Variants in USP9X observed in about 807,000 individuals in gnomAD.
The protein encoded by USP9X is ubiquitin carboxyl-terminal hydrolase 9X.
USP9X carries 7 observed loss-of-function variants against 190.3 expected under a neutral mutation model. The ratio of observed to expected loss-of-function variants is 0.04; its 90% CI spans 0.02 to 0.07. The LOEUF (loss-of-function observed/expected upper bound fraction) is 0.07. USP9X is among the 10% of genes least tolerant of loss of function. The probability of loss-of-function intolerance (pLI) is 1.00; values close to 1 mark genes in which losing one functional copy is unlikely to be tolerated. For missense variants in USP9X, 1,010 were observed against 1,916.9 expected (o/e 0.53, Z 8.83); for synonymous variants, 645 against 659.5 (o/e 0.98, Z 0.34).
intron 21 of USP9X, 91 bp from the exon 22 acceptor site, chrX:41,183,907 T>C (rs2062849934): frequency 2.9e-6 from 3 of 1,035,444 alleles, no homozygotes; most frequent in East Asian, 3.3e-5. Flanking sequence ...TGGATTGTTA[T>C]TCCATATTAG....
At chrX:41,096,525 G>A (rs1601929341) in intron 1 of USP9X, among the ~76,000 whole-genome samples, 1 of 111,458 alleles carries the variant, frequency 9.0e-6, no homozygotes, top group Admixed American at 9.5e-5. Context: ...TCAGTGCAAC[G>A]TCTGCCTCCT....
chrX:41,212,578 A>G (rs2063176355), intron 33 of USP9X, among the ~76,000 whole-genome samples: 1 of 111,966 alleles, frequency 8.9e-6, no homozygotes, highest in Non-Finnish European at 1.9e-5. Context: ...GAAATAGTTA[A>G]TGAGTTCATT....
At chrX:41,125,404 A>C (rs1393810028) in intron 2 of USP9X, among the ~76,000 whole-genome samples, 1 of 106,840 alleles carries the variant, frequency 9.4e-6, no homozygotes, top group East Asian at 2.9e-4. Context: ...AAGTGGAGGA[A>C]TTTTTTAATT....
intron 1 of USP9X, among the ~76,000 whole-genome samples, chrX:41,112,971 G>GT (rs1440295468): frequency 1.8e-5 from 2 of 111,553 alleles, no homozygotes; most frequent in African/African-American, 3.3e-5. Flanking sequence ...TACAGTTTTT[G>GT]TTTTTTGGCA....
intron 1 of USP9X, among the ~76,000 whole-genome samples, chrX:41,120,983 G>A (rs1463524824): frequency 9.4e-6 from 1 of 106,157 alleles, no homozygotes; most frequent in Non-Finnish European, 1.9e-5. Context: ...GGACTACAGG[G>A]GTGAGCCACC....
chrX:41,198,445 A>T, intron 29 of USP9X, 83 bp from the exon 30 acceptor site: 2 of 605,537 alleles, frequency 3.3e-6, no homozygotes, highest in East Asian at 5.7e-5. Flanking sequence ...GAGTAATTTT[A>T]AAATGATTTA....
intron 14 of USP9X, among the ~76,000 whole-genome samples, chrX:41,161,365 A>G (rs1601984771): frequency 1.6e-5 from 1 of 61,809 alleles, no homozygotes; most frequent in African/African-American, 7.4e-5. Flanking sequence ...TTGGTGACGG[A>G]GTCTCGTTCT....
intron 4 of USP9X, among the ~76,000 whole-genome samples, chrX:41,134,454 A>G (rs2062353687): frequency 8.9e-6 from 1 of 112,515 alleles, no homozygotes; most frequent in African/African-American, 3.2e-5. Flanking sequence ...TTTAAGGTCA[A>G]AGACTTATTT....
chrX:41,135,200 C>T lies in USP9X; in HGVS notation c.435+363C>T, dbSNP rs142517523. On this transcript the variant is annotated intron_variant, in intron 5 of 44. Coordinates refer to ENST00000378308, the MANE Select transcript of USP9X (RefSeq NM_001039591.3). ...CACCCAAGATGGGGCATTTCATATA[C>T]GTCTGGGACACCAAAGGGTCAGTAT... Among the ~76,000 whole-genome samples, 369 of 110,613 alleles carry T rather than the reference C, an allele frequency of 3.3e-3. 1 individual carries two copies. The highest frequency in any genetic ancestry group is 5.0e-3 in the Non-Finnish European group (263 of 52,819).
At chrX:41,121,332 A>G (rs918930954) in intron 1 of USP9X, among the ~76,000 whole-genome samples, 1 of 111,277 alleles carries the variant, frequency 9.0e-6, no homozygotes, top group South Asian at 3.7e-4. Flanking sequence ...TCCGCTCTGC[A>G]TAACTTAGGC....
chrX:41,140,603 G>T (rs1399825858), intron 6 of USP9X, 53 bp from the exon 7 acceptor site: 21 of 905,474 alleles, frequency 2.3e-5, no homozygotes, highest in Middle Eastern at 3.0e-4. Context: ...TTTTTTTCGT[G>T]CTTTTTACCC....
chrX:41,095,725 G>C (rs2061985449), intron 1 of USP9X, among the ~76,000 whole-genome samples: 1 of 111,854 alleles, frequency 8.9e-6, no homozygotes, highest in South Asian at 3.7e-4. Context: ...GCCTTTTACT[G>C]TTAAGGTAAT....
At position 41,233,651 on chromosome X, in the gene USP9X, A is replaced by C. The variant is rs1317481455; in HGVS notation, c.*1127A>C. The C allele has an allele frequency of 8.9e-6, 1 of 112,355 alleles. No homozygotes were observed. The highest frequency in any genetic ancestry group is 3.2e-5 in the African/African-American group (1 of 30,850). 9.3% of individuals were successfully genotyped at this position (112,355 alleles called of 1,213,427 possible). A position where few individuals can be genotyped will look rare whatever the true frequency, so the allele number is the denominator to read the frequency against. On this transcript the variant is annotated 3_prime_UTR_variant, in exon 45 of 45. Coordinates refer to ENST00000378308, the MANE Select transcript of USP9X (RefSeq NM_001039591.3). Reference sequence around the variant, plus strand: ...GCTGGCTGATTTTCTGCTCAGTCACAATTTTACTTGAAAGCAAGAATTGTC... The same window carrying C: ...GCTGGCTGATTTTCTGCTCAGTCACCATTTTACTTGAAAGCAAGAATTGTC...
chrX:41,197,331 TCCCCCCCCCACCCCA>T lies in USP9X; in HGVS notation c.4234-26_4234-12del. 2.1e-6 allele frequency: 1 copy of T among 486,754 alleles called. No individual in the cohort carries two copies. The highest frequency in any genetic ancestry group is 2.9e-6 in the Non-Finnish European group (1 of 339,269). 40.1% of individuals were successfully genotyped at this position (486,754 alleles called of 1,213,427 possible). On this transcript the variant is annotated intron_variant, in intron 28 of 44. Coordinates refer to ENST00000378308, the MANE Select transcript of USP9X (RefSeq NM_001039591.3). ...TTCATAAGCTAGACATTTGATTTCT[TCCCCCCCCCACCCCA>T]CCCCCCGCCTTTGGCAGGATGATGT...
At chrX:41,148,319 A>C in intron 11 of USP9X, 50 bp from the exon 12 acceptor site, 1 of 1,164,332 alleles carries the variant, frequency 8.6e-7, no homozygotes, top group African/African-American at 1.8e-5. Flanking sequence ...ACAATTTATG[A>C]AGTGGTGACT....
intron 31 of USP9X, among the ~76,000 whole-genome samples, chrX:41,201,482 C>T (rs2063041533): frequency 9.0e-6 from 1 of 111,297 alleles, no homozygotes; most frequent in South Asian, 3.8e-4. Flanking sequence ...CTGGAGGCTG[C>T]AGTGAGCCAT....
chrX:41,125,009 G>T (rs1270245722), intron 2 of USP9X, among the ~76,000 whole-genome samples: 3 of 112,084 alleles, frequency 2.7e-5, no homozygotes, highest in Admixed American at 9.4e-5. Flanking sequence ...TTCATTAATT[G>T]TTTGGAAGAT....
chrX:41,162,732 C>T, intron 14 of USP9X, 58 bp from the exon 15 acceptor site: 3 of 966,174 alleles, frequency 3.1e-6, no homozygotes, highest in Non-Finnish European at 4.2e-6. Context: ...TGGTTGAAGT[C>T]AAAGCAGTGA....
intron 29 of USP9X, 92 bp from the exon 30 acceptor site, chrX:41,198,436 A>G: frequency 1.9e-6 from 1 of 519,176 alleles, no homozygotes; most frequent in Non-Finnish European, 2.8e-6. Context: ...AATTCCAATG[A>G]GTAATTTTAA....
Sources: gnomAD v4.1 joint callset for allele counts (sites outside exome capture counted in the v4.1 genomes callset) on GRCh38, gnomAD v4.1.1 for gene constraint, MANE v1.5 for transcripts, NCBI Gene and HGNC (gene_info 2026-07-23, HGNC 2026-07-21) for gene names.